The following WDR47 variants were observed in gnomAD, a reference collection of about 807,000 sequenced individuals.
WDR47 encodes the protein WD repeat domain 47, also known as WD repeat-containing protein 47.
In WDR47, 32 loss-of-function variants were observed where a neutral mutation model predicts 97.2. The observed-to-expected ratio is 0.33, with a 90% CI of 0.25 to 0.44. The LOEUF (loss-of-function observed/expected upper bound fraction) is 0.44, where lower values mean the gene tolerates loss of function less well. Ranked by LOEUF, WDR47 falls within the 20% of genes least tolerant of loss-of-function variation. The pLI, the probability that WDR47 is intolerant of heterozygous loss-of-function variation, is 1.00. For missense variants in WDR47, 782 were observed against 1,102.3 expected (o/e 0.71, Z 4.11); for synonymous variants, 375 against 373.5 (o/e 1.00, Z -0.05).
intron 1 of WDR47, 102 bp downstream of exon 1, chr1:109,041,760 C>G (rs1372338674): frequency 6.6e-6 from 1 of 152,284 alleles, no homozygotes; most frequent in Non-Finnish European, 1.5e-5. Context: ...CGGGGCCGCC[C>G]GGTCGGAGCC....
chr1:109,023,266 A>G, intron 2 of WDR47, 89 bp downstream of exon 2: 1 of 1,192,470 alleles, frequency 8.4e-7, no homozygotes, highest in Non-Finnish European at 1.1e-6. Context: ...CATGATTATA[A>G]AGTTCTATCT....
intron 7 of WDR47, among the ~76,000 whole-genome samples, chr1:108,997,909 A>G (rs1031283061): frequency 1.2e-4 from 19 of 152,172 alleles, no homozygotes; most frequent in African/African-American, 4.6e-4. Flanking sequence ...AGGGAGTACA[A>G]TTATTGAGAG....
chr1:109,030,091 A>G (rs1052861559), intron 1 of WDR47: 2 of 880,258 alleles, frequency 2.3e-6, no homozygotes, highest in South Asian at 2.2e-5. Context: ...GATCTCCTTC[A>G]TCCCTCCCCA....
intron 4 of WDR47, among the ~76,000 whole-genome samples, chr1:109,012,826 G>A (rs1571218484): frequency 6.6e-6 from 1 of 152,034 alleles, no homozygotes; most frequent in Non-Finnish European, 1.5e-5. Context: ...TGGCAAAGAC[G>A]GAATAAAAAA....
intron 7 of WDR47, among the ~76,000 whole-genome samples, chr1:109,001,181 C>G (rs185108836): frequency 6.6e-6 from 1 of 151,866 alleles, no homozygotes; most frequent in African/African-American, 2.4e-5. Context: ...CCCAGCTACT[C>G]GGGAAGCTGA....
At chr1:108,987,545 G>A (rs1435176834) in intron 9 of WDR47, among the ~76,000 whole-genome samples, 1 of 152,052 alleles carries the variant, frequency 6.6e-6, no homozygotes, top group East Asian at 1.9e-4. Context: ...TTGGCTCACT[G>A]CAACCTCTGC....
At chr1:109,028,361 G>GTTTTT (rs1414813690) in intron 1 of WDR47, among the ~76,000 whole-genome samples, 120 of 27,576 alleles carry the variant, frequency 4.4e-3, no homozygotes, top group African/African-American at 0.011. Flanking sequence ...ATTTTTGTTG[G>GTTTTT]GTTTTTTTTT....
chr1:108,974,870 A>G, intron 13 of WDR47, 116 bp from the exon 14 acceptor site: 1 of 824,186 alleles, frequency 1.2e-6, no homozygotes, highest in Non-Finnish European at 1.9e-6. Context: ...TATCAATACT[A>G]TTCAGCGATG....
At chr1:109,028,464 G>A (rs1191209796) in intron 1 of WDR47, among the ~76,000 whole-genome samples, 5 of 128,924 alleles carry the variant, frequency 3.9e-5, no homozygotes, top group Admixed American at 9.9e-5. Flanking sequence ...CACCCGCCTC[G>A]ACCTCCAAAG....
intron 7 of WDR47, among the ~76,000 whole-genome samples, chr1:108,997,527 C>T (rs570951178): frequency 1.3e-5 from 2 of 151,648 alleles, no homozygotes; most frequent in Non-Finnish European, 2.9e-5. Flanking sequence ...GAGACCGAGG[C>T]GGGCGGATCA....
chr1:108,974,185 AC>A (rs1461654813), intron 14 of WDR47, among the ~76,000 whole-genome samples: 2 of 151,828 alleles, frequency 1.3e-5, no homozygotes, highest in African/African-American at 4.8e-5. Flanking sequence ...ACAGAGCGAG[AC>A]CCTGTCTCAA....
At chr1:109,001,442 C>CA (rs909396984) in intron 7 of WDR47, among the ~76,000 whole-genome samples, 6 of 151,542 alleles carry the variant, frequency 4.0e-5, no homozygotes, top group African/African-American at 1.5e-4. Flanking sequence ...TACAGCAAAT[C>CA]AAAAAAAATC....
At chr1:108,995,876 CTT>C (rs1659714161) in intron 7 of WDR47, 39 bp from the exon 8 acceptor site, 1 of 1,587,348 alleles carries the variant, frequency 6.3e-7, no homozygotes, top group Non-Finnish European at 8.6e-7. Context: ...AAAATAAAAA[CTT>C]AATTGCATTC....
At chr1:109,023,246 A>T in intron 2 of WDR47, 109 bp downstream of exon 2, 1 of 1,028,004 alleles carries the variant, frequency 9.7e-7, no homozygotes. Context: ...TTATACTTAC[A>T]TAGCCTTTTC....
chr1:108,991,445 A>G, intron 8 of WDR47, 116 bp from the exon 9 acceptor site: 1 of 766,536 alleles, frequency 1.3e-6, no homozygotes, highest in East Asian at 2.6e-5. Context: ...GCTGACTCCA[A>G]AGTTACTCTC....
chr1:108,982,284 A>G (rs531253645), intron 12 of WDR47, among the ~76,000 whole-genome samples: 88 of 151,966 alleles, frequency 5.8e-4, no homozygotes, highest in African/African-American at 1.9e-3. Context: ...TGTAATCCCA[A>G]CACTTTGGGA....
Position 108,982,786 on chromosome 1 carries a change from C to A in WDR47, c.2096-7G>T. The A allele has an allele frequency of 6.3e-7, 1 of 1,587,088 alleles. No homozygotes were observed. Among genetic ancestry groups the A allele is most frequent in the Non-Finnish European group, 8.5e-7 (1 of 1,172,120 alleles). On this transcript the variant is annotated splice_region_variant and splice_polypyrimidine_tract_variant and intron_variant, in intron 11 of 14. Coordinates refer to ENST00000369962, the MANE Select transcript of WDR47 (RefSeq NM_001142551.2). ...CTAAATTCCAGATCTGGTCCTGAAA[C>A]AGTAGTAAGAATTAAAAAAAAAAAA...
chr1:109,019,648 G>C (rs936487408), intron 2 of WDR47, among the ~76,000 whole-genome samples: 5 of 152,254 alleles, frequency 3.3e-5, no homozygotes. Flanking sequence ...AGAATTATCT[G>C]GCCCAGATGC....
At chr1:108,975,001 A>C (rs1189141375) in intron 13 of WDR47, among the ~76,000 whole-genome samples, 1 of 152,238 alleles carries the variant, frequency 6.6e-6, no homozygotes, top group African/African-American at 2.4e-5. Flanking sequence ...AACTGTGTGC[A>C]ACAGCATCAC....
Sources: gnomAD v4.1 joint callset for allele counts (sites outside exome capture counted in the v4.1 genomes callset) on GRCh38, gnomAD v4.1.1 for gene constraint, MANE v1.5 for transcripts, NCBI Gene and HGNC (gene_info 2026-07-23, HGNC 2026-07-21) for gene names.